Variants in CDKL5 observed in about 807,000 individuals in gnomAD.
CDKL5 encodes cyclin-dependent kinase-like 5.
A neutral mutation model predicts 61.7 loss-of-function variants in CDKL5; 8 were observed. The ratio of observed to expected loss-of-function variants is 0.13; its 90% CI spans 0.08 to 0.23. The LOEUF is 0.23. Among genes scored for constraint, CDKL5 ranks in the 10% least tolerant of loss-of-function variants. CDKL5 has a pLI of 1.00. For missense variants in CDKL5, 440 were observed against 734.5 expected, an observed-to-expected ratio of 0.60 and a Z score of 4.63; for synonymous variants, 275 against 272.3, an observed-to-expected ratio of 1.01 and a Z score of -0.10.
rs377638934 is a variant in CDKL5 at position 18,559,358 on chromosome X, G to A, written c.100-5119G>A. Among the ~76,000 whole-genome samples the A allele has an allele frequency of 7.2e-5, 8 of 110,912 alleles. No homozygotes were observed. The East Asian group carries it at 1.1e-3, about 16-fold the overall frequency. On this transcript the variant is annotated intron_variant, in intron 3 of 17. Coordinates refer to ENST00000623535, the MANE Select transcript of CDKL5 (RefSeq NM_001323289.2). ...CAAGTAGCTGGGATTATAGGCACGC[G>A]CCACCATGCCGGGCTAATTTTTGTA...
chrX:18,573,331 C>T (rs910378354), intron 4 of CDKL5, among the ~76,000 whole-genome samples: 18 of 111,355 alleles, frequency 1.6e-4, no homozygotes, highest in Non-Finnish European at 1.9e-4. Flanking sequence ...GTTTGATTAC[C>T]CCAACCTTGA....
intron 1 of CDKL5, among the ~76,000 whole-genome samples, chrX:18,440,458 A>G (rs1226391088): frequency 5.4e-5 from 6 of 111,279 alleles, no homozygotes; most frequent in Non-Finnish European, 1.1e-4. Context: ...GCACCTGGCC[A>G]TATCATTTTT....
chrX:18,559,450 G>A (rs1166634502), intron 3 of CDKL5, among the ~76,000 whole-genome samples: 1 of 109,736 alleles, frequency 9.1e-6, no homozygotes, highest in Non-Finnish European at 1.9e-5. Flanking sequence ...CTCGTGATCC[G>A]CCCACCTCGG....
chrX:18,427,073 C>T (rs1931382301), intron 1 of CDKL5, among the ~76,000 whole-genome samples: 1 of 111,346 alleles, frequency 9.0e-6, no homozygotes, highest in African/African-American at 3.3e-5. Flanking sequence ...CAATTAGGGT[C>T]CATTAATAAT....
chrX:18,645,222 T>G (rs993800334), intron 19 of CDKL5, among the ~76,000 whole-genome samples: 2 of 111,726 alleles, frequency 1.8e-5, no homozygotes, highest in African/African-American at 6.5e-5. Context: ...TTTTTCCTTT[T>G]AGTGTGTATT....
intron 8 of CDKL5, among the ~76,000 whole-genome samples, chrX:18,586,276 T>C (rs1040970658): frequency 1.8e-5 from 2 of 111,865 alleles, no homozygotes; most frequent in South Asian, 7.4e-4. Context: ...TTGGGATGCA[T>C]AGTCCATTTT....
intron 10 of CDKL5, among the ~76,000 whole-genome samples, chrX:18,596,566 G>GA (rs1226610278): frequency 8.9e-6 from 1 of 111,853 alleles, no homozygotes; most frequent in Non-Finnish European, 1.9e-5. Flanking sequence ...TGGCAAAAAA[G>GA]AACCCTTAAA....
chrX:18,627,134 C>T (rs1927087698), intron 17 of CDKL5: 1 of 111,074 alleles, frequency 9.0e-6, no homozygotes, highest in Non-Finnish European at 1.9e-5. Flanking sequence ...ACAGTGTGCT[C>T]TGCTACTTCC....
At chrX:18,562,228 CTT>C (rs1411105747) in intron 3 of CDKL5, among the ~76,000 whole-genome samples, 1 of 111,541 alleles carries the variant, frequency 9.0e-6, no homozygotes, top group Non-Finnish European at 1.9e-5. Context: ...TGTGACATGA[CTT>C]TTTTTGGATG....
intron 3 of CDKL5, chrX:18,535,557 G>A (rs1489097176): frequency 8.9e-6 from 1 of 112,606 alleles, no homozygotes; most frequent in Non-Finnish European, 1.9e-5. Flanking sequence ...TCAGGCCTCT[G>A]TTTGAGGTGG....
At chrX:18,454,890 ATTTT>A (rs759341960) in intron 1 of CDKL5, among the ~76,000 whole-genome samples, 1 of 80,280 alleles carries the variant, frequency 1.2e-5, no homozygotes, top group Non-Finnish European at 2.4e-5. Flanking sequence ...TCTCAAGTGT[ATTTT>A]TTTTTTTTTT....
At chrX:18,454,524 C>T (rs190148082) in intron 1 of CDKL5, among the ~76,000 whole-genome samples, 121 of 106,907 alleles carry the variant, frequency 1.1e-3, no homozygotes, top group African/African-American at 3.8e-3. Flanking sequence ...TGTGAGCCAC[C>T]GTGCCCAGCC....
chrX:18,582,282 C>T (rs953151322), intron 7 of CDKL5, among the ~76,000 whole-genome samples: 1 of 111,489 alleles, frequency 9.0e-6, no homozygotes, highest in African/African-American at 3.2e-5. Flanking sequence ...ACTAAAATAT[C>T]CCTCTGTAAA....
At chrX:18,462,734 A>G (rs1318304929) in intron 1 of CDKL5, among the ~76,000 whole-genome samples, 1 of 111,663 alleles carries the variant, frequency 9.0e-6, no homozygotes, top group African/African-American at 3.3e-5. Flanking sequence ...AAACTAAAAG[A>G]TACTGGAGGC....
chrX:18,527,011 G>C (rs1264810950), intron 3 of CDKL5, among the ~76,000 whole-genome samples: 1 of 111,245 alleles, frequency 9.0e-6, no homozygotes, highest in Non-Finnish European at 1.9e-5. Context: ...TCGAACTCCC[G>C]ACCTCAGGTG....
chrX:18,436,897 C>CAA (rs60845430), intron 1 of CDKL5, among the ~76,000 whole-genome samples: 275 of 15,411 alleles, frequency 0.018, 8 homozygotes, highest in African/African-American at 0.029. Context: ...ACTCTTGACT[C>CAA]AAAAAAAAAA....
In CDKL5 at chrX:18,629,468, T is replaced by G. The variant is rs1927173436; in HGVS notation, c.*711T>G. On this transcript the variant is annotated 3_prime_UTR_variant, in exon 18 of 18. Coordinates refer to ENST00000623535, the MANE Select transcript of CDKL5 (RefSeq NM_001323289.2). ...TTATTCTATATATAATATATATATA[T>G]GGTAAATATCTGTTTTATAAATATA... The G allele has an allele frequency of 3.9e-6, 2 of 507,044 alleles. No homozygotes were observed. The highest frequency in any genetic ancestry group is 9.2e-5 in the Admixed American group (1 of 10,834). The allele number at this position is 507,044 out of a possible 1,213,427, so 41.8% of individuals were successfully genotyped here.
At position 18,603,982 on chromosome X, in the gene CDKL5, T is replaced by C. The variant is rs1157280788; in HGVS notation, c.1058T>C (p.Leu353Pro). ...SKDIQNLSVG[L>P]PRADEGLPAN... ...GACATCCAGAACCTGAGTGTAGGCCTGCCCCGGGCTGACGAAGGTCTCCCT... is the reference window on the plus strand; with the variant it reads ...GACATCCAGAACCTGAGTGTAGGCCCGCCCCGGGCTGACGAAGGTCTCCCT... The change falls in exon 12 of 18, where the codon CTG (leucine) becomes CCG (proline). Residue 353 changes from leucine to proline, a missense_variant. Physicochemically the swap from Leu to Pro is moderately conservative, Grantham distance 98. Coordinates refer to ENST00000623535, the MANE Select transcript of CDKL5 (RefSeq NM_001323289.2). 1 of 1,210,928 alleles carries C rather than the reference T, an allele frequency of 8.3e-7. No individual in the cohort carries two copies. Among genetic ancestry groups the C allele is most frequent in the East Asian group, 3.0e-5 (1 of 33,812 alleles).
intron 3 of CDKL5, among the ~76,000 whole-genome samples, chrX:18,511,072 T>A: frequency 8.9e-6 from 1 of 111,797 alleles, no homozygotes. Context: ...AAAATTCATT[T>A]ATGTTTCATA....
Sources: allele counts gnomAD v4.1 joint callset (sites outside exome capture counted in the v4.1 genomes callset), GRCh38; gene constraint gnomAD v4.1.1; transcripts MANE v1.5; gene names NCBI Gene and HGNC (gene_info 2026-07-23, HGNC 2026-07-21).